RNF216: variants seen among roughly 807,000 people sequenced by gnomAD.
RNF216 encodes the protein E3 ubiquitin-protein ligase RNF216.
RNF216 carries 72 observed loss-of-function variants against 110.8 expected under a neutral mutation model. That is an observed-to-expected ratio of 0.65 (90% CI 0.54 to 0.79). RNF216 has a LOEUF of 0.79. Among genes scored for constraint, RNF216 ranks in the 30% least tolerant of loss-of-function variants. RNF216 has a pLI of 0.00. For missense variants in RNF216, 1,342 were observed against 1,141.2 expected (o/e 1.18, Z -2.54); for synonymous variants, 495 against 407.5 (o/e 1.21, Z -2.59).
intron 1 of RNF216, among the ~76,000 whole-genome samples, chr7:5,768,088 C>T (rs951161346): frequency 1.3e-5 from 2 of 151,936 alleles, no homozygotes; most frequent in Admixed American, 1.3e-4. Context: ...ACCTAAAAAA[C>T]TTAAACCACA....
At chr7:5,774,637 T>A (rs1796677365) in intron 1 of RNF216, among the ~76,000 whole-genome samples, 1 of 152,222 alleles carries the variant, frequency 6.6e-6, no homozygotes. Flanking sequence ...GAAGCCACTT[T>A]GTATATGGTA....
intron 2 of RNF216, among the ~76,000 whole-genome samples, chr7:5,759,249 C>T (rs1247372823): frequency 1.3e-5 from 2 of 152,174 alleles, no homozygotes; most frequent in Non-Finnish European, 2.9e-5. Context: ...ATACAGCCTA[C>T]AGAATTGTGA....
intron 14 of RNF216, among the ~76,000 whole-genome samples, chr7:5,650,767 C>T (rs1788338737): frequency 6.6e-6 from 1 of 152,116 alleles, no homozygotes; most frequent in Non-Finnish European, 1.5e-5. Flanking sequence ...TGGGTCTACT[C>T]GGATAATCCA....
intron 2 of RNF216, among the ~76,000 whole-genome samples, chr7:5,760,234 A>T (rs1471445631): frequency 6.6e-6 from 1 of 152,108 alleles, no homozygotes; most frequent in East Asian, 1.9e-4. Context: ...ACTGTAGAAC[A>T]GTCTGGGTGC....
chr7:5,675,652 A>C (rs1341916583), intron 13 of RNF216, among the ~76,000 whole-genome samples: 2 of 151,946 alleles, frequency 1.3e-5, no homozygotes, highest in Non-Finnish European at 2.9e-5. Context: ...ACAAACAAAC[A>C]AACAAACAAA....
Position 5,641,372 on chromosome 7 carries a change from C to A in RNF216, c.2164G>T (p.Glu722Ter). ...DDIKYRTSIE[E>*]KMTAARIRKC... ...CTAATGCGGGCAGCAGTCATTTTTT[C>A]TTCACTGAAATAAGAAAACATAATT... is the stretch of plus-strand genomic sequence containing the variant. Residue 722 changes from glutamate (E) to a stop codon, truncating the protein, a stop_gained, in exon 15 of 17, where the codon GAA becomes TAA. Coordinates refer to ENST00000389902, the MANE Select transcript of RNF216 (RefSeq NM_207111.4). LOFTEE classifies it high-confidence loss of function. 6.2e-7 allele frequency: 1 copy of A among 1,611,838 alleles called. No homozygotes were observed. The highest frequency in any genetic ancestry group is 8.5e-7 in the Non-Finnish European group (1 of 1,178,372).
chr7:5,639,998 A>G (rs1040956509), intron 15 of RNF216, among the ~76,000 whole-genome samples: 27 of 151,074 alleles, frequency 1.8e-4, no homozygotes, highest in African/African-American at 6.3e-4. Flanking sequence ...TGACCTTGTG[A>G]TCCACCCGCC....
At chr7:5,738,738 C>G (rs1259238728) in intron 5 of RNF216, among the ~76,000 whole-genome samples, 2 of 148,674 alleles carry the variant, frequency 1.3e-5, no homozygotes, top group East Asian at 3.9e-4. Flanking sequence ...AAAAATGCTT[C>G]CATGTATTTC....
Position 5,622,746 on chromosome 7 carries a change from C to A in RNF216, c.*114G>T. 9.4e-7 allele frequency: 1 copy of A among 1,061,396 alleles called. No individual in the cohort carries two copies. The highest frequency in any genetic ancestry group is 1.4e-6 in the Non-Finnish European group (1 of 737,858). The allele number at this position is 1,061,396 out of a possible 1,614,324, so 65.7% of individuals were successfully genotyped here. A position where few individuals can be genotyped will look rare whatever the true frequency, so the allele number is the denominator to read the frequency against. On this transcript the variant is annotated 3_prime_UTR_variant, in exon 17 of 17. Transcript: ENST00000389902. ...AAGGGGTGGGAAGAAAACCAGCCTA[C>A]CCTTCAAGCTGACTTAGGATGCAAT...
At chr7:5,754,134 G>A (rs939457395) in intron 2 of RNF216, among the ~76,000 whole-genome samples, 1 of 148,140 alleles carries the variant, frequency 6.8e-6, no homozygotes, top group Non-Finnish European at 1.5e-5. Flanking sequence ...GTGTGTGTGT[G>A]TGTGTGTGTG....
At chr7:5,779,845 T>C (rs1390540361) in intron 1 of RNF216, 1 of 39,548 alleles carries the variant, frequency 2.5e-5, no homozygotes, top group Admixed American at 3.0e-4. Flanking sequence ...AAAAAAAAAA[T>C]GCTCAATGAA....
At chr7:5,724,973 G>C (rs1280586133) in intron 8 of RNF216, among the ~76,000 whole-genome samples, 2 of 152,302 alleles carry the variant, frequency 1.3e-5, no homozygotes, top group Non-Finnish European at 2.9e-5. Flanking sequence ...TCATTCATAA[G>C]TCTGGGTAGT....
chr7:5,747,473 G>C (rs1795087161), intron 3 of RNF216, among the ~76,000 whole-genome samples: 1 of 152,220 alleles, frequency 6.6e-6, no homozygotes, highest in South Asian at 2.1e-4. Flanking sequence ...TGAAATATCA[G>C]ACGTGACCCT....
At chr7:5,659,952 ATTT>A (rs36099512) in intron 13 of RNF216, among the ~76,000 whole-genome samples, 27 of 132,820 alleles carry the variant, frequency 2.0e-4, no homozygotes, top group Admixed American at 3.0e-4. Context: ...ACATTCATTA[ATTT>A]TTTTTTTTTT....
chr7:5,701,148 C>G (rs1170681184), intron 13 of RNF216, among the ~76,000 whole-genome samples: 10 of 152,206 alleles, frequency 6.6e-5, no homozygotes. Context: ...CCAGGTTGCA[C>G]AGGGCCCTTC....
rs747676731 is a variant in RNF216 at position 5,712,755 on chromosome 7, C to T, written c.1942G>A (p.Glu648Lys). 1.7e-5 allele frequency: 28 copies of T among 1,613,988 alleles called. No homozygotes were observed. Among genetic ancestry groups the T allele is most frequent in the Non-Finnish European group, 2.2e-5 (26 of 1,180,038 alleles). ...GCGTAGGCTGCCGCAACCTCCTCCTCGGCTTTTCGCTCATAGTACTTATAC... is the reference window on the plus strand; with the variant it reads ...GCGTAGGCTGCCGCAACCTCCTCCTTGGCTTTTCGCTCATAGTACTTATAC... The part of the protein sequence containing the change: ...ILYKYYERKA[E>K]EEVAAAYADE... Residue 648 changes from glutamate to lysine, a missense_variant, in exon 12 of 17, where the codon GAG becomes AAG. Coordinates refer to ENST00000389902, the MANE Select transcript of RNF216 (RefSeq NM_207111.4).
intron 1 of RNF216, among the ~76,000 whole-genome samples, chr7:5,778,604 C>T (rs1006616503): frequency 6.6e-6 from 1 of 152,194 alleles, no homozygotes; most frequent in South Asian, 2.1e-4. Context: ...AGTAGATGTA[C>T]TTTCAGAATA....
chr7:5,710,996 T>C (rs1002719480), intron 13 of RNF216, among the ~76,000 whole-genome samples: 1 of 152,242 alleles, frequency 6.6e-6, no homozygotes, highest in Admixed American at 6.5e-5. Flanking sequence ...TCCATTAGTT[T>C]AGTTTATTCT....
intron 9 of RNF216, among the ~76,000 whole-genome samples, chr7:5,718,329 C>T (rs1242863463): frequency 1.3e-5 from 2 of 151,988 alleles, no homozygotes; most frequent in Non-Finnish European, 2.9e-5. Context: ...TGCAGTGAGC[C>T]GAGATCCTGC....
Sources: allele counts gnomAD v4.1 joint callset (sites outside exome capture counted in the v4.1 genomes callset), GRCh38; gene constraint gnomAD v4.1.1; transcripts MANE v1.5; gene names NCBI Gene and HGNC (gene_info 2026-07-23, HGNC 2026-07-21).